The following GPHN variants were observed in gnomAD, a reference collection of about 807,000 sequenced individuals.
GPHN encodes the protein gephyrin.
In GPHN, 17 loss-of-function variants were observed where a neutral mutation model predicts 95.5. The ratio of observed to expected loss-of-function variants is 0.18; its 90% confidence interval spans 0.12 to 0.27. The LOEUF (loss-of-function observed/expected upper bound fraction) is 0.27, where lower values mean the gene tolerates loss of function less well. Ranked by LOEUF, GPHN falls within the 10% of genes least tolerant of loss-of-function variation. The pLI is 1.00. For missense variants in GPHN, 660 were observed against 978.1 expected (o/e 0.67, Z 4.34); for synonymous variants, 320 against 322.5 (o/e 0.99, Z 0.08).
At chr14:67,248,530 A>G in the GPHN span, among the ~76,000 whole-genome samples, 1 of 152,176 alleles carries the variant, frequency 6.6e-6, no homozygotes, top group Admixed American at 6.5e-5. Context: ...TTTCTGTCTC[A>G]TATAATTTTA....
intron 4 of GPHN, among the ~76,000 whole-genome samples, chr14:66,838,769 A>G (rs1312120513): frequency 6.6e-6 from 1 of 152,194 alleles, no homozygotes; most frequent in Non-Finnish European, 1.5e-5. Flanking sequence ...TTAGGTATCC[A>G]TCTATGAAAT....
the GPHN span, chr14:67,392,566 G>A: frequency 1.2e-5 from 15 of 1,281,218 alleles, no homozygotes; most frequent in Non-Finnish European, 2.2e-6. Context: ...CCAAGCCCAA[G>A]GTCTCCTCCC....
intron 2 of GPHN, among the ~76,000 whole-genome samples, chr14:66,720,382 C>T (rs927728563): frequency 2.6e-5 from 4 of 152,090 alleles, no homozygotes; most frequent in South Asian, 4.1e-4. Flanking sequence ...GGCGAAACCC[C>T]GTCTCTACTG....
the GPHN span, among the ~76,000 whole-genome samples, chr14:67,413,606 C>T: frequency 6.6e-6 from 1 of 152,224 alleles, no homozygotes; most frequent in African/African-American, 2.4e-5. Context: ...CACAGTGTTG[C>T]TTCTACATGT....
chr14:67,535,810 C>G, the GPHN span, among the ~76,000 whole-genome samples: 1 of 152,200 alleles, frequency 6.6e-6, no homozygotes, highest in African/African-American at 2.4e-5. Context: ...GTAATATCTC[C>G]TTTAATTCTC....
the GPHN span, among the ~76,000 whole-genome samples, chr14:67,439,058 A>C: frequency 1.3e-5 from 2 of 152,266 alleles, no homozygotes; most frequent in South Asian, 4.1e-4. Context: ...CTTAGTCTAC[A>C]TGTCACAAGC....
the GPHN span, among the ~76,000 whole-genome samples, chr14:67,266,587 AAGTGTTGGGATTAC>A: frequency 6.6e-6 from 1 of 152,058 alleles, no homozygotes; most frequent in Non-Finnish European, 1.5e-5. Context: ...CGGCCTCCCA[AAGTGTTGGGATTAC>A]AGGCATGAGC....
intron 3 of GPHN, among the ~76,000 whole-genome samples, chr14:66,798,044 A>C (rs1394426543): frequency 1.3e-5 from 2 of 151,932 alleles, no homozygotes; most frequent in Non-Finnish European, 2.9e-5. Flanking sequence ...GGGATGTTGA[A>C]TTTTATCAAA....
At chr14:66,545,229 C>T (rs373618255) in intron 1 of GPHN, among the ~76,000 whole-genome samples, 25,337 of 120,978 alleles carry the variant, frequency 0.21, 3,299 homozygotes, top group African/African-American at 0.49. Context: ...ACCTCCCTCC[C>T]GGACGGGGCG....
the GPHN span, among the ~76,000 whole-genome samples, chr14:67,406,901 C>T: frequency 6.6e-6 from 1 of 152,186 alleles, no homozygotes; most frequent in Non-Finnish European, 1.5e-5. Context: ...GGACACTTGT[C>T]CCTGGGCAGA....
the GPHN span, among the ~76,000 whole-genome samples, chr14:67,718,458 A>G: frequency 1.3e-5 from 2 of 152,272 alleles, no homozygotes; most frequent in African/African-American, 4.8e-5. Flanking sequence ...AGGTCAAATC[A>G]GCAAGCAGCT....
the GPHN span, among the ~76,000 whole-genome samples, chr14:67,458,328 G>A: frequency 1.5e-3 from 226 of 152,212 alleles, no homozygotes; most frequent in Admixed American, 2.7e-3. Flanking sequence ...GTCCTTTATG[G>A]ACTCATAATA....
intron 1 of GPHN, among the ~76,000 whole-genome samples, chr14:66,584,143 T>A (rs1419824049): frequency 5.3e-5 from 8 of 152,150 alleles, no homozygotes; most frequent in South Asian, 2.1e-4. Flanking sequence ...ATTCTCTTTG[T>A]AGCAATTGTG....
At chr14:67,660,595 T>C in the GPHN span, among the ~76,000 whole-genome samples, 1 of 152,206 alleles carries the variant, frequency 6.6e-6, no homozygotes, top group East Asian at 1.9e-4. Context: ...CCTGCTCCTC[T>C]TTCTGAAAAT....
At chr14:67,346,696 G>C in the GPHN span, among the ~76,000 whole-genome samples, 1 of 152,208 alleles carries the variant, frequency 6.6e-6, no homozygotes, top group Non-Finnish European at 1.5e-5. Flanking sequence ...GAATGAATAA[G>C]ACAGTTATTT....
intron 4 of GPHN, among the ~76,000 whole-genome samples, chr14:66,878,466 G>A (rs1291753661): frequency 1.3e-5 from 2 of 151,936 alleles, no homozygotes. Context: ...CAATGTCTCT[G>A]TCTGACAAAG....
chr14:66,621,546 T>C lies in GPHN; in HGVS notation c.65-59561T>C, dbSNP rs187795814. 2.8e-4 allele frequency among the ~76,000 whole-genome samples: 43 copies of C among 150,910 alleles called. 1 individual carries two copies. Among genetic ancestry groups the C allele is most frequent in the Admixed American group, 2.0e-3 (30 of 15,178 alleles). On this transcript the variant is annotated intron_variant, in intron 1 of 22. Coordinates refer to ENST00000478722, the MANE Select transcript of GPHN (RefSeq NM_020806.5). ...TTCACACCATTCTCCTGCCTCAGTC[T>C]CCTGAGTAGCTGGGACTACAGGCAC...
chr14:67,200,756 T>C, the GPHN span, among the ~76,000 whole-genome samples: 1 of 152,226 alleles, frequency 6.6e-6, no homozygotes, highest in Non-Finnish European at 1.5e-5. Flanking sequence ...TCTTTCCTAC[T>C]AATAATGTTT....
the GPHN span, chr14:67,674,528 G>T: frequency 2.0e-6 from 3 of 1,525,734 alleles, no homozygotes; most frequent in Admixed American, 6.4e-5. Context: ...CCGAGATTCG[G>T]GGCCCTGGGC....
Sources: gnomAD v4.1 joint callset for allele counts (sites outside exome capture counted in the v4.1 genomes callset) on GRCh38, gnomAD v4.1.1 for gene constraint, MANE v1.5 for transcripts, NCBI Gene and HGNC (gene_info 2026-07-23, HGNC 2026-07-21) for gene names.